TEKT1: variants seen among roughly 807,000 people sequenced by gnomAD.
The protein encoded by TEKT1 is tektin-1.
In TEKT1, 32 loss-of-function variants were observed where a neutral mutation model predicts 34.8. The ratio of observed to expected loss-of-function variants is 0.92; its 90% CI spans 0.69 to 1.23. The LOEUF (loss-of-function observed/expected upper bound fraction) is 1.23, where lower values mean the gene tolerates loss of function less well. Among genes scored for constraint, TEKT1 ranks in the 50% most tolerant of loss-of-function variants. The pLI is 0.00. For missense variants in TEKT1, 492 were observed against 518.5 expected, an observed-to-expected ratio of 0.95 and a Z score of 0.50; for synonymous variants, 207 against 199.8, an observed-to-expected ratio of 1.04 and a Z score of -0.30.
chr17:6,830,289 G>C lies in TEKT1; in HGVS notation c.88C>G (p.Gln30Glu), dbSNP rs138805931. 1.4e-5 allele frequency: 22 copies of C among 1,613,528 alleles called. No homozygotes were observed. Among genetic ancestry groups the C allele is most frequent in the Non-Finnish European group, 1.8e-5 (21 of 1,179,954 alleles). Residue 30 changes from glutamine to glutamate, a missense_variant, in exon 2 of 8, where the codon CAA becomes GAA. Transcript: ENST00000338694. ...NKNQYHRADA[Q>E]RSRSERLVAE... ...ACCAGGCGTTCTGATCGGGACCTTT[G>C]AGCGTCTGCTCTGTGGTACTGGTTC... is the stretch of plus-strand genomic sequence containing the variant.
At chr17:6,815,769 T>G (rs567086999) in intron 4 of TEKT1, 65 bp downstream of exon 4, 1 of 1,600,606 alleles carries the variant, frequency 6.2e-7, no homozygotes, top group South Asian at 1.1e-5. Flanking sequence ...AGCCCAGCTT[T>G]TGTGGACACT....
chr17:6,821,666 A>T (rs1203713443), intron 2 of TEKT1, among the ~76,000 whole-genome samples: 1 of 152,178 alleles, frequency 6.6e-6, no homozygotes, highest in Non-Finnish European at 1.5e-5. Flanking sequence ...GGCTCAGAAG[A>T]AGACAGAAAG....
chr17:6,812,049 T>C (rs1976935867), intron 6 of TEKT1, among the ~76,000 whole-genome samples: 1 of 152,004 alleles, frequency 6.6e-6, no homozygotes, highest in Non-Finnish European at 1.5e-5. Context: ...GGGAGGTAAT[T>C]GGATCATGGG....
At position 6,830,373 on chromosome 17, in the gene TEKT1, C is replaced by T. The variant is rs1904543063; in HGVS notation, c.4G>A (p.Ala2Thr). M[A>T]KLLQPPPKFL... The stretch of plus-strand genomic sequence containing the variant: ...TTGGGTGGAGGTTGTAATAGTTTAG[C>T]CATTTGAGGTTTCCAAATTCCTGAT... Residue 2 changes from alanine (A) to threonine (T), a missense_variant, in exon 2 of 8, where the codon GCT becomes ACT. Physicochemically the swap from Ala to Thr is moderately conservative, Grantham distance 58. Transcript: ENST00000338694. The T allele has an allele frequency of 6.4e-7, 1 of 1,555,768 alleles. No individual in the cohort carries two copies. The highest frequency in any genetic ancestry group is 8.6e-7 in the Non-Finnish European group (1 of 1,157,200).
At chr17:6,826,717 A>G (rs1904413921) in intron 2 of TEKT1, among the ~76,000 whole-genome samples, 1 of 148,718 alleles carries the variant, frequency 6.7e-6, no homozygotes, top group Non-Finnish European at 1.5e-5. Flanking sequence ...TTTTTTTGCG[A>G]CGGAGTCTTG....
At position 6,798,670 on chromosome 17, in the gene TEKT1, G is replaced by T. The variant is rs1163473971; in HGVS notation, c.*1357C>A. ...AGGGGGTTTCTCCATCCCAGATTGG[G>T]AACATCCCTTTCTGATGGCAAAGAG... is the stretch of plus-strand genomic sequence containing the variant. On this transcript the variant is annotated 3_prime_UTR_variant, in exon 8 of 8. Coordinates refer to ENST00000338694, the MANE Select transcript of TEKT1 (RefSeq NM_053285.2). 1 of 152,206 alleles carries T rather than the reference G, an allele frequency of 6.6e-6. No individual in the cohort carries two copies. The highest frequency in any genetic ancestry group is 2.4e-5 in the African/African-American group (1 of 41,432). 9.4% of individuals were successfully genotyped at this position (152,206 alleles called of 1,614,324 possible).
chr17:6,809,770 C>A (rs766847148), intron 6 of TEKT1, among the ~76,000 whole-genome samples: 26 of 152,170 alleles, frequency 1.7e-4, no homozygotes, highest in Non-Finnish European at 3.1e-4. Context: ...TTCAAATCAG[C>A]TTCTTTAACT....
At chr17:6,816,987 C>T (rs1977015833) in intron 3 of TEKT1, among the ~76,000 whole-genome samples, 1 of 151,848 alleles carries the variant, frequency 6.6e-6, no homozygotes, top group Non-Finnish European at 1.5e-5. Flanking sequence ...CTTTTTTTCC[C>T]AAGAAGAGGA....
intron 2 of TEKT1, among the ~76,000 whole-genome samples, chr17:6,821,043 G>A (rs1977081410): frequency 6.6e-6 from 1 of 152,150 alleles, no homozygotes; most frequent in South Asian, 2.1e-4. Context: ...AAAGTCTGAT[G>A]CCACTCTGAT....
At chr17:6,804,537 C>A (rs1415363077) in intron 6 of TEKT1, among the ~76,000 whole-genome samples, 4 of 152,122 alleles carry the variant, frequency 2.6e-5, no homozygotes, top group Admixed American at 2.6e-4. Context: ...CTGTCTTGTG[C>A]CAGTTTTCAA....
chr17:6,830,576 C>T (rs1477940986), intron 1 of TEKT1, among the ~76,000 whole-genome samples, 183 bp from the exon 2 acceptor site: 1 of 152,180 alleles, frequency 6.6e-6, no homozygotes, highest in African/African-American at 2.4e-5. Flanking sequence ...CTCTAACCTC[C>T]TCCCAGTTAC....
At chr17:6,812,688 G>A (rs1976944753) in intron 6 of TEKT1, 143 bp downstream of exon 6, 2 of 763,756 alleles carry the variant, frequency 2.6e-6, no homozygotes, top group Admixed American at 5.6e-5. Context: ...CTAAGCTTGA[G>A]AGATATGAAT....
At position 6,818,435 on chromosome 17, in the gene TEKT1, G is replaced by A. The variant is rs551497942; in HGVS notation, c.356+758C>T. 2.9e-4 allele frequency among the ~76,000 whole-genome samples: 43 copies of A among 150,326 alleles called. 1 individual carries two copies. Among genetic ancestry groups the A allele is most frequent in the Admixed American group, 2.8e-3 (43 of 15,100 alleles). On this transcript the variant is annotated intron_variant, in intron 3 of 7. Coordinates refer to ENST00000338694, the MANE Select transcript of TEKT1 (RefSeq NM_053285.2). ...ATCATTCTATTCACTGGATTTATAGGAGGGAAATAATAATAAAAAGCACTA... is the reference window on the plus strand; with the variant it reads ...ATCATTCTATTCACTGGATTTATAGAAGGGAAATAATAATAAAAAGCACTA...
intron 6 of TEKT1, among the ~76,000 whole-genome samples, chr17:6,808,117 A>C (rs1976871305): frequency 6.6e-6 from 1 of 152,148 alleles, no homozygotes; most frequent in Admixed American, 6.5e-5. Context: ...GGCTCCACCC[A>C]GTTCGAGCTT....
intron 2 of TEKT1, among the ~76,000 whole-genome samples, chr17:6,823,674 T>C (rs1904321139): frequency 6.6e-6 from 1 of 152,146 alleles, no homozygotes; most frequent in Non-Finnish European, 1.5e-5. Flanking sequence ...TCCACTATCC[T>C]ACTGGACATC....
At chr17:6,808,094 T>C (rs1323275968) in intron 6 of TEKT1, among the ~76,000 whole-genome samples, 1 of 152,214 alleles carries the variant, frequency 6.6e-6, no homozygotes, top group Non-Finnish European at 1.5e-5. Context: ...GCAGGCCTCC[T>C]TGAGCTGCAG....
At position 6,819,208 on chromosome 17, in the gene TEKT1, G is replaced by A. The variant is rs1977052313; in HGVS notation, c.341C>T (p.Thr114Ile). Reference protein sequence around the residue: ...TLKEPLHITETCLAYREKRIG... With the variant: ...TLKEPLHITEICLAYREKRIG... ...TCGCTCCTACCTGTATGCCAGGCATGTCTCAGTGATGTGCAAGGGCTCTTT... is the reference window on the plus strand; with the variant it reads ...TCGCTCCTACCTGTATGCCAGGCATATCTCAGTGATGTGCAAGGGCTCTTT... The change falls in exon 3 of 8, where the codon ACA (threonine) becomes ATA (isoleucine). Residue 114 changes from threonine (T) to isoleucine (I), a missense_variant. Transcript: ENST00000338694. 2 of 1,612,954 alleles carry A rather than the reference G, an allele frequency of 1.2e-6. No homozygotes were observed. The highest frequency in any genetic ancestry group is 1.7e-6 in the Non-Finnish European group (2 of 1,179,584).
chr17:6,803,807 C>G (rs1976809844), intron 6 of TEKT1, among the ~76,000 whole-genome samples: 1 of 152,084 alleles, frequency 6.6e-6, no homozygotes, highest in Non-Finnish European at 1.5e-5. Context: ...CTGTTCTGTT[C>G]CATTGGTCTA....
chr17:6,824,603 C>T (rs764547369), intron 2 of TEKT1, among the ~76,000 whole-genome samples: 7 of 152,218 alleles, frequency 4.6e-5, no homozygotes, highest in Non-Finnish European at 1.0e-4. Context: ...CCATTGCCTT[C>T]ATCTAGGCCA....
Sources: gnomAD v4.1 joint callset for allele counts (sites outside exome capture counted in the v4.1 genomes callset) on GRCh38, gnomAD v4.1.1 for gene constraint, MANE v1.5 for transcripts, NCBI Gene and HGNC (gene_info 2026-07-23, HGNC 2026-07-21) for gene names.